Variants in MUC5B observed in about 807,000 individuals in gnomAD.
The protein encoded by MUC5B is mucin-5B.
Under a neutral mutation model 376.9 loss-of-function variants are expected in MUC5B, and 116 were observed. That is an observed-to-expected ratio of 0.31 (90% CI 0.26 to 0.36). The LOEUF (loss-of-function observed/expected upper bound fraction) is 0.36, where lower values mean the gene tolerates loss of function less well. Ranked by LOEUF, MUC5B falls within the 10% of genes least tolerant of loss-of-function variation. The probability of loss-of-function intolerance (pLI) is 1.00; values close to 1 mark genes in which losing one functional copy is unlikely to be tolerated. For synonymous variants in MUC5B, 3,517 were observed against 3,390.9 expected (o/e 1.04, Z -1.29); for missense variants, 7,165 against 7,769.9 (o/e 0.92, Z 2.93).
chr11:1,237,123 A>G lies in MUC5B; in HGVS notation c.3256A>G (p.Ser1086Gly). 1 of 1,494,310 alleles carries G rather than the reference A, an allele frequency of 6.7e-7. No individual in the cohort carries two copies. Among genetic ancestry groups the G allele is most frequent in the South Asian group, 1.3e-5 (1 of 74,390 alleles). 92.6% of individuals were successfully genotyped at this position (1,494,310 alleles called of 1,614,324 possible). Residue 1086 changes from serine (S) to glycine (G), a missense_variant, in exon 25 of 49, where the codon AGC becomes GGC. Physicochemically the swap from Ser to Gly is moderately conservative, Grantham distance 56. Coordinates refer to ENST00000529681, the MANE Select transcript of MUC5B (RefSeq NM_002458.3). ...FRKSWAQKQC[S>G]ILHGPTFAAC... ...CAAGTCCTGGGCCCAGAAGCAGTGCAGCATCCTCCACGGCCCCACCTTCGC... is the reference window on the plus strand; with the variant it reads ...CAAGTCCTGGGCCCAGAAGCAGTGCGGCATCCTCCACGGCCCCACCTTCGC...
At position 1,243,675 on chromosome 11, in the gene MUC5B, C is replaced by G. The variant is rs1488487359; in HGVS notation, c.6795C>G (p.Pro2265=). 1 of 1,611,544 alleles carries G rather than the reference C, an allele frequency of 6.2e-7. No homozygotes were observed. The highest frequency in any genetic ancestry group is 1.7e-5 in the Admixed American group (1 of 59,988). ...PHPSSRTTES[P]PSPGTTTPGH... is the part of the protein sequence containing the mutation. ...CTAGCAGCAGAACCACCGAGTCACC[C>G]CCTTCTCCAGGGACGACCACCCCGG... The change falls in exon 31 of 49, where the codon CCC becomes CCG. Residue 2265 remains proline (P), a synonymous_variant. Coordinates refer to ENST00000529681, the MANE Select transcript of MUC5B (RefSeq NM_002458.3).
chr11:1,230,713 C>T (rs1862008536), intron 12 of MUC5B, 113 bp downstream of exon 12: 1 of 1,015,136 alleles, frequency 9.9e-7, no homozygotes, highest in Non-Finnish European at 1.4e-6. Flanking sequence ...CCCCCTCCAG[C>T]CCCCAGGCCA....
intron 30 of MUC5B, 80 bp from the exon 31 acceptor site, chr11:1,240,771 G>T (rs1206124010): frequency 3.8e-6 from 5 of 1,320,758 alleles, no homozygotes; most frequent in Non-Finnish European, 5.1e-6. Context: ...CTGGGGAAAG[G>T]GTCCTCTGGG....
rs55942023 is a variant in MUC5B at position 1,242,238 on chromosome 11, G to A, written c.5358G>A (p.Pro1786=). ...GCCAGGGCACGACCCGCTGTCAACCGAAGTGTGAGTGGACAGAGTGGTTTG... is the reference window on the plus strand; with the variant it reads ...GCCAGGGCACGACCCGCTGTCAACCAAAGTGTGAGTGGACAGAGTGGTTTG... ...TTSQGTTRCQ[P]KCEWTEWFDV... is the part of the protein sequence containing the mutation. Residue 1786 remains proline (P), a synonymous_variant, in exon 31 of 49, where the codon CCG becomes CCA. Transcript: ENST00000529681. The A allele has an allele frequency of 4.7e-3, 7,525 of 1,613,776 alleles. 291 individuals are homozygous for A. In the African/African-American group the frequency reaches 0.089, roughly 19 times the overall value.
intron 3 of MUC5B, 118 bp from the exon 4 acceptor site, chr11:1,226,497 C>T (rs1861884744): frequency 7.1e-7 from 1 of 1,403,062 alleles, no homozygotes; most frequent in Non-Finnish European, 9.6e-7. Context: ...CCAGGCAGGG[C>T]ACAGCCAGCA....
chr11:1,224,698 C>G (rs1436289375), intron 1 of MUC5B, among the ~76,000 whole-genome samples: 1 of 152,052 alleles, frequency 6.6e-6, no homozygotes, highest in Admixed American at 6.5e-5. Context: ...ACTCAGGGAT[C>G]GGCTGGCTTT....
At position 1,245,780 on chromosome 11, in the gene MUC5B, A is replaced by G. The variant is rs200811033; in HGVS notation, c.8900A>G (p.Asn2967Ser). The G allele has an allele frequency of 0.029, 46,924 of 1,612,454 alleles. No individual in the cohort carries two copies. Among genetic ancestry groups the G allele is most frequent in the Non-Finnish European group, 0.032 (37,839 of 1,179,654 alleles). ...TATGAAATCCGTGTGTTCTGCTGCA[A>G]CTACGGCCACTGCCCCAGCACCCCG... is the stretch of plus-strand genomic sequence containing the variant. Reference protein sequence around the residue: ...FNYEIRVFCCNYGHCPSTPAT... With the variant: ...FNYEIRVFCCSYGHCPSTPAT... Residue 2967 changes from asparagine to serine, a missense_variant, in exon 31 of 49, where the codon AAC (asparagine) becomes AGC (serine). Asn to Ser is a conservative substitution (Grantham distance 46). Around this residue, in one of 31 missense-constraint regions of MUC5B, gnomAD observed 57 missense variants for 167.2 expected, o/e 0.34. Transcript: ENST00000529681.
rs1172650391 is a variant in MUC5B at position 1,258,208 on chromosome 11, G to A, written c.16555+5G>A. On this transcript the variant is annotated splice_donor_5th_base_variant and intron_variant, in intron 42 of 48. Coordinates refer to ENST00000529681, the MANE Select transcript of MUC5B (RefSeq NM_002458.3). The surrounding 1 kb of genome is among the most constrained non-coding windows in gnomAD (Gnocchi z 5.5). Reference sequence around the variant, plus strand: ...GCTGTCCCACCTTCCGCTGCAGTGAGCGGGGCTGGGGCCGGGCTCCTGGGT... The same window carrying A: ...GCTGTCCCACCTTCCGCTGCAGTGAACGGGGCTGGGGCCGGGCTCCTGGGT... 6.3e-7 allele frequency: 1 copy of A among 1,584,646 alleles called. No individual in the cohort carries two copies. The highest frequency in any genetic ancestry group is 8.6e-7 in the Non-Finnish European group (1 of 1,166,630).
At position 1,242,051 on chromosome 11, in the gene MUC5B, C is replaced by A; in HGVS notation, c.5171C>A (p.Thr1724Asn). The A allele has an allele frequency of 6.3e-7, 1 of 1,596,058 alleles. No individual in the cohort carries two copies. Among genetic ancestry groups the A allele is most frequent in the Non-Finnish European group, 8.5e-7 (1 of 1,172,046 alleles). ...ACGCTGGCCCCAACAACAATGGCAA[C>A]CTCCAGAGCTCGCCCGACAGGCACA... is the stretch of plus-strand genomic sequence containing the variant. Reference protein sequence around the residue: ...PPTLAPTTMATSRARPTGTAS... With the variant: ...PPTLAPTTMANSRARPTGTAS... Residue 1724 changes from threonine to asparagine, a missense_variant, in exon 31 of 49, where the codon ACC (threonine) becomes AAC (asparagine). By Grantham distance (65) the Thr-to-Asn change is moderately conservative. Transcript: ENST00000529681.
chr11:1,247,562 C>T lies in MUC5B; in HGVS notation c.10682C>T (p.Ala3561Val), dbSNP rs747987245. Residue 3561 changes from alanine (A) to valine (V), a missense_variant, in exon 31 of 49, where the codon GCC (alanine) becomes GTC (valine). Physicochemically the swap from Ala to Val is moderately conservative, Grantham distance 64. Transcript: ENST00000529681. ...STLLPSSPTS[A>V]PITTVVTTGC... ...CTGCTGCCCAGCAGCCCCACATCGG[C>T]CCCCATAACCACGGTGGTGACCACG... The T allele has an allele frequency of 2.5e-6, 4 of 1,610,898 alleles. No homozygotes were observed. The East Asian group carries it at 8.9e-5, about 36-fold the overall frequency.
chr11:1,235,112 C>A lies in MUC5B; in HGVS notation c.2658C>A (p.Cys886Ter), dbSNP rs769335872. Residue 886 changes from cysteine to a stop codon, truncating the protein, a stop_gained, in exon 22 of 49, where the codon TGC becomes TGA. Transcript: ENST00000529681. LOFTEE classifies it high-confidence loss of function. ...TCTCRNRRWE[C>*]SHRLCLGTCV... Reference sequence around the variant, plus strand: ...CCTGCAGGAACCGGAGGTGGGAGTGCAGCCACCGGCTCTGCCTGGGCACCT... The same window carrying A: ...CCTGCAGGAACCGGAGGTGGGAGTGAAGCCACCGGCTCTGCCTGGGCACCT... The A allele has an allele frequency of 6.2e-7, 1 of 1,611,894 alleles. No individual in the cohort carries two copies. The highest frequency in any genetic ancestry group is 1.7e-4 in the Middle Eastern group (1 of 6,054).
chr11:1,241,539 C>T lies in MUC5B; in HGVS notation c.4659C>T (p.Ser1553=). ...AGGACATAGAGTGCCAGGCCGAGAG[C>T]TTCCCCAACTGGACCCTGGCACAGG... is the stretch of plus-strand genomic sequence containing the variant. ...QPKDIECQAE[S]FPNWTLAQVG... Residue 1553 remains serine, a synonymous_variant, in exon 31 of 49, where the codon AGC becomes AGT. Coordinates refer to ENST00000529681, the MANE Select transcript of MUC5B (RefSeq NM_002458.3). 1 of 1,612,836 alleles carries T rather than the reference C, an allele frequency of 6.2e-7. No individual in the cohort carries two copies. Among genetic ancestry groups the T allele is most frequent in the Non-Finnish European group, 8.5e-7 (1 of 1,179,522 alleles).
At chr11:1,226,314 G>GTT in intron 3 of MUC5B, 38 bp downstream of exon 3, 1 of 1,546,106 alleles carries the variant, frequency 6.5e-7, no homozygotes, top group Non-Finnish European at 8.7e-7. Flanking sequence ...GGAAGGGGGT[G>GTT]TTTGCCAGTC....
chr11:1,248,494 G>T lies in MUC5B; in HGVS notation c.11614G>T (p.Gly3872Cys), dbSNP rs1232671071. ...TTKVPTTTTT[G>C]FTVTPSSSPG... Reference sequence around the variant, plus strand: ...CAAAGTGCCGACTACCACAACCACGGGCTTCACAGTCACCCCCTCCTCCAG... The same window carrying T: ...CAAAGTGCCGACTACCACAACCACGTGCTTCACAGTCACCCCCTCCTCCAG... The change falls in exon 31 of 49, where the codon GGC becomes TGC. Residue 3872 changes from glycine to cysteine, a missense_variant. Physicochemically the swap from Gly to Cys is radical, Grantham distance 159. This residue lies in a region of MUC5B where 242 missense variants were observed against 199.0 expected (regional missense o/e 1.22). Coordinates refer to ENST00000529681, the MANE Select transcript of MUC5B (RefSeq NM_002458.3). 2.5e-6 allele frequency: 4 copies of T among 1,610,500 alleles called. No individual in the cohort carries two copies. Among genetic ancestry groups the T allele is most frequent in the Middle Eastern group, 3.4e-4 (2 of 5,928 alleles).
chr11:1,242,966 C>G lies in MUC5B; in HGVS notation c.6086C>G (p.Thr2029Arg). The G allele has an allele frequency of 6.2e-7, 1 of 1,613,428 alleles. No homozygotes were observed. The highest frequency in any genetic ancestry group is 1.1e-5 in the South Asian group (1 of 91,032). ...ACAGTGCTTACCGCCACGGCCACCA[C>G]AACTGGGGCCACCGGCTCTGTGGCC... is the stretch of plus-strand genomic sequence containing the variant. ...TSTVLTATAT[T>R]TGATGSVATP... Residue 2029 changes from threonine to arginine, a missense_variant, in exon 31 of 49, where the codon ACA (threonine) becomes AGA (arginine). By Grantham distance (71) the Thr-to-Arg change is moderately conservative. This residue lies in a region of MUC5B where 897 missense variants were observed against 779.6 expected (regional missense o/e 1.15). Transcript: ENST00000529681.
Position 1,247,106 on chromosome 11 carries a change from C to A in MUC5B, c.10226C>A (p.Thr3409Asn). The A allele has an allele frequency of 6.4e-7, 1 of 1,565,636 alleles. No individual in the cohort carries two copies. Among genetic ancestry groups the A allele is most frequent in the Non-Finnish European group, 8.7e-7 (1 of 1,155,652 alleles). ...GGCTCCACCACCAACCCCTCCTCAA[C>A]TCCAGGGACAACTCCCATCCCCCCA... is the stretch of plus-strand genomic sequence containing the variant. ...ATGSTTNPSS[T>N]PGTTPIPPVL... is the part of the protein sequence containing the mutation. The change falls in exon 31 of 49, where the codon ACT (threonine) becomes AAT (asparagine). Residue 3409 changes from threonine (T) to asparagine (N), a missense_variant. This residue lies in a region of MUC5B where 939 missense variants were observed against 770.6 expected (regional missense o/e 1.22). Coordinates refer to ENST00000529681, the MANE Select transcript of MUC5B (RefSeq NM_002458.3).
In MUC5B at chr11:1,259,071, G is replaced by A. The variant is rs2249686; in HGVS notation, c.16713+10G>A. 0.075 allele frequency: 115,480 copies of A among 1,545,492 alleles called. 4,771 individuals carry two copies. The highest frequency in any genetic ancestry group is 0.11 in the Admixed American group (5,850 of 50,876). On this transcript the variant is annotated intron_variant, in intron 44 of 48. Transcript: ENST00000529681. ...TACTACCTGTCCCCAGGTGAGACCC[G>A]AGGCACCTGCCCCCAGGTGAGCCCC...
At chr11:1,230,194 C>T in intron 11 of MUC5B, 51 bp downstream of exon 11, 1 of 1,535,384 alleles carries the variant, frequency 6.5e-7, no homozygotes. Context: ...CTGGGACCCT[C>T]ATGCCACTTC....
At position 1,251,325 on chromosome 11, in the gene MUC5B, G is replaced by T. The variant is rs367833762; in HGVS notation, c.14445G>T (p.Thr4815=). Residue 4815 remains threonine, a synonymous_variant, in exon 31 of 49, where the codon ACG becomes ACT. Coordinates refer to ENST00000529681, the MANE Select transcript of MUC5B (RefSeq NM_002458.3). ...CCACACCCTCCTCCACTCTGGGGAC[G>T]ACCCGGATCCTCACTGAGCTGACCA... ...STATPSSTLG[T]TRILTELTTT... The T allele has an allele frequency of 6.2e-7, 1 of 1,603,338 alleles. No homozygotes were observed. Among genetic ancestry groups the T allele is most frequent in the South Asian group, 1.1e-5 (1 of 90,688 alleles).
Sources: gnomAD v4.1 joint callset for allele counts (sites outside exome capture counted in the v4.1 genomes callset) on GRCh38, gnomAD v4.1.1 for gene constraint, gnomAD v4.1.1 regional missense constraint, Gnocchi (gnomAD v3.1) non-coding constraint, MANE v1.5 for transcripts, NCBI Gene and HGNC (gene_info 2026-07-23, HGNC 2026-07-21) for gene names.